CCDC180: variants seen among roughly 807,000 people sequenced by gnomAD.
The protein encoded by CCDC180 is coiled-coil domain-containing protein 180.
In CCDC180, 154 loss-of-function variants were observed where a neutral mutation model predicts 209.2. That is an observed-to-expected ratio of 0.74 (90% confidence interval 0.65 to 0.84). The LOEUF is 0.84. Ranked by LOEUF, CCDC180 falls within the 40% of genes least tolerant of loss-of-function variation. The probability of loss-of-function intolerance (pLI) is 0.00; values close to 1 mark genes in which losing one functional copy is unlikely to be tolerated. For synonymous variants in CCDC180, 778 were observed against 749.1 expected (o/e 1.04, Z -0.63); for missense variants, 1,874 against 1,997.3 (o/e 0.94, Z 1.18).
rs1203075620 is a variant in CCDC180 at position 97,343,543 on chromosome 9, A to G, written c.2478A>G (p.Leu826=). Residue 826 remains leucine (L), a synonymous_variant, in exon 19 of 37, where the codon CTA becomes CTG. Transcript: ENST00000529487. ...AACAAGTGACAATTCCATCGAGACT[A>G]ATTTTAGAAATTAAGAAACAGTGAG... is the stretch of plus-strand genomic sequence containing the variant. ...FIEQVTIPSR[L]ILEIKKQLRA... 1 of 1,612,800 alleles carries G rather than the reference A, an allele frequency of 6.2e-7. No homozygotes were observed. Among genetic ancestry groups the G allele is most frequent in the Non-Finnish European group, 8.5e-7 (1 of 1,178,880 alleles).
chr9:97,325,917 T>C (rs1833515732), intron 14 of CCDC180, among the ~76,000 whole-genome samples: 1 of 152,114 alleles, frequency 6.6e-6, no homozygotes, highest in South Asian at 2.1e-4. Context: ...AACTCACATA[T>C]GGGGGGCTGT....
rs192397423 is a variant in CCDC180 at position 97,337,390 on chromosome 9, C to T, written c.2275-5950C>T. On this transcript the variant is annotated intron_variant, in intron 18 of 36. Transcript: ENST00000529487. ...TAGCATGAAGGCTGTTGAATTTTGT[C>T]GAAGGCCTTTTCTGCATCTATTGAG... Among the ~76,000 whole-genome samples, 260 of 152,220 alleles carry T rather than the reference C, an allele frequency of 1.7e-3. 3 individuals are homozygous for T. In the East Asian group the frequency reaches 0.018, roughly 11 times the overall value.
At chr9:97,371,375 T>G in intron 33 of CCDC180, 1 of 399,304 alleles carries the variant, frequency 2.5e-6, no homozygotes, top group Non-Finnish European at 4.5e-6. Flanking sequence ...ATTGTCTGTG[T>G]GTGTCCCTTG....
At position 97,366,190 on chromosome 9, in the gene CCDC180, C is replaced by T. The variant is rs1273423328; in HGVS notation, c.4048-369C>T. ...ACGGGTCTGTCTGCCTCCTTCAGGG[C>T]AGGGTCCCTGGCTCGCCCGTCTTTG... On this transcript the variant is annotated intron_variant, in intron 30 of 36. Coordinates refer to ENST00000529487, the MANE Select transcript of CCDC180 (RefSeq NM_020893.6). This position sits in a 1 kb window ranked among gnomAD's most constrained non-coding sequence, Gnocchi z 4.3. Among the ~76,000 whole-genome samples, 1 of 152,264 alleles carries T rather than the reference C, an allele frequency of 6.6e-6. No individual in the cohort carries two copies. The highest frequency in any genetic ancestry group is 1.9e-4 in the East Asian group (1 of 5,196).
intron 18 of CCDC180, among the ~76,000 whole-genome samples, chr9:97,332,356 CT>C (rs1825779329): frequency 6.6e-6 from 1 of 152,210 alleles, no homozygotes; most frequent in African/African-American, 2.4e-5. Context: ...TATTCAGGCT[CT>C]TTTTTTATTG....
intron 16 of CCDC180, 76 bp from the exon 17 acceptor site, chr9:97,330,078 A>G (rs1336732309): frequency 8.3e-7 from 1 of 1,204,940 alleles, no homozygotes; most frequent in African/African-American, 1.5e-5. Flanking sequence ...AAAAAAAAAA[A>G]AAAAAAAAAA....
intron 18 of CCDC180, among the ~76,000 whole-genome samples, chr9:97,336,329 T>C (rs1825902954): frequency 6.6e-6 from 1 of 152,188 alleles, no homozygotes; most frequent in Non-Finnish European, 1.5e-5. Flanking sequence ...CATCTTGAAT[T>C]AATTTTTGTG....
chr9:97,309,119 A>G (rs1406549388), intron 2 of CCDC180, among the ~76,000 whole-genome samples: 2 of 152,140 alleles, frequency 1.3e-5, no homozygotes, highest in Non-Finnish European at 2.9e-5. Flanking sequence ...GCCAATCCCT[A>G]TTATTAGTCA....
rs759794148 is a variant in CCDC180 at position 97,307,985 on chromosome 9, A to G, written c.-79A>G. ...GACGGGCGATTTCCCAACCTCAGGA[A>G]TTGGAATTGAGACACCAAAGCCTAG... On this transcript the variant is annotated splice_region_variant and 5_prime_UTR_variant, in exon 2 of 37. Coordinates refer to ENST00000529487, the MANE Select transcript of CCDC180 (RefSeq NM_020893.6). 6.3e-7 allele frequency: 1 copy of G among 1,592,740 alleles called. No homozygotes were observed. Among genetic ancestry groups the G allele is most frequent in the Non-Finnish European group, 8.6e-7 (1 of 1,169,070 alleles).
intron 24 of CCDC180, among the ~76,000 whole-genome samples, chr9:97,355,942 G>C (rs1564170240): frequency 6.6e-6 from 1 of 152,168 alleles, no homozygotes; most frequent in Non-Finnish European, 1.5e-5. Flanking sequence ...TGGTTGGAGA[G>C]CACCAGCGGG....
Position 97,323,833 on chromosome 9 carries a change from T to A in CCDC180, c.1301T>A (p.Val434Glu). Residue 434 changes from valine to glutamate, a missense_variant, in exon 13 of 37, where the codon GTG becomes GAG. Val to Glu is a moderately radical substitution (Grantham distance 121). Transcript: ENST00000529487. Reference sequence around the variant, plus strand: ...ACTGAGGAGGAGGCAGAGACCCTGGTGAACCAGTTCTTCTTCCAGATGGTG... The same window carrying A: ...ACTGAGGAGGAGGCAGAGACCCTGGAGAACCAGTTCTTCTTCCAGATGGTG... Reference protein sequence around the residue: ...AFTEEEAETLVNQFFFQMVGA... With the variant: ...AFTEEEAETLENQFFFQMVGA... 2 of 1,556,632 alleles carry A rather than the reference T, an allele frequency of 1.3e-6. No homozygotes were observed. The highest frequency in any genetic ancestry group is 2.4e-5 in the East Asian group (1 of 41,426).
chr9:97,317,898 A>C (rs1050645935), intron 9 of CCDC180, among the ~76,000 whole-genome samples: 4 of 152,224 alleles, frequency 2.6e-5, no homozygotes, highest in African/African-American at 4.8e-5. Flanking sequence ...CAGATACTGC[A>C]TGGAAAGTGC....
rs11581 is a variant in CCDC180, at chr9:97,376,879, A to G, written c.4959A>G (p.Gln1653=). 386,489 of 1,610,386 alleles carry G rather than the reference A, an allele frequency of 0.24. 56,767 individuals are homozygous for G. The highest frequency in any genetic ancestry group is 0.56 in the East Asian group (25,153 of 44,796). ...DSWKQSLHTI[Q]GLYV Reference sequence around the variant, plus strand: ...GGAAGCAGTCCCTGCACACTATCCAAGGCCTGTATGTGTGACCCTCCGCCC... The same window carrying G: ...GGAAGCAGTCCCTGCACACTATCCAGGGCCTGTATGTGTGACCCTCCGCCC... Residue 1653 remains glutamine, a synonymous_variant, in exon 37 of 37, where the codon CAA becomes CAG. Coordinates refer to ENST00000529487, the MANE Select transcript of CCDC180 (RefSeq NM_020893.6).
At chr9:97,329,850 C>T (rs1016611038) in intron 16 of CCDC180, among the ~76,000 whole-genome samples, 1 of 152,092 alleles carries the variant, frequency 6.6e-6, no homozygotes, top group African/African-American at 2.4e-5. Flanking sequence ...GGGCGGATCA[C>T]GAGGTCAGGA....
intron 1 of CCDC180, 37 bp from the exon 2 acceptor site, chr9:97,307,946 G>A (rs747008755): frequency 1.3e-6 from 2 of 1,582,138 alleles, no homozygotes; most frequent in Non-Finnish European, 1.7e-6. Context: ...GCCTGGACCT[G>A]AACCTGAGTT....
At chr9:97,342,468 C>T in intron 18 of CCDC180, among the ~76,000 whole-genome samples, 1 of 152,050 alleles carries the variant, frequency 6.6e-6, no homozygotes, top group Non-Finnish European at 1.5e-5. Context: ...TTAGTAGAGA[C>T]AGGGTTTCAC....
chr9:97,334,225 A>G (rs1341685164), intron 18 of CCDC180, among the ~76,000 whole-genome samples: 2 of 152,164 alleles, frequency 1.3e-5, no homozygotes, highest in African/African-American at 2.4e-5. Flanking sequence ...CTCAGCTACT[A>G]ATGGAAAAGC....
chr9:97,310,420 G>A (rs779444780), intron 3 of CCDC180, among the ~76,000 whole-genome samples: 1 of 152,142 alleles, frequency 6.6e-6, no homozygotes, highest in Non-Finnish European at 1.5e-5. Context: ...AGCAGGCGGG[G>A]GTCAGGCATG....
chr9:97,353,628 C>T (rs1193724643), intron 22 of CCDC180, among the ~76,000 whole-genome samples: 2 of 152,148 alleles, frequency 1.3e-5, no homozygotes, highest in African/African-American at 4.8e-5. Context: ...TGCTGGGTAA[C>T]CAGGGAGCAC....
Sources: gnomAD v4.1 joint callset for allele counts (sites outside exome capture counted in the v4.1 genomes callset) on GRCh38, gnomAD v4.1.1 for gene constraint, Gnocchi (gnomAD v3.1) non-coding constraint, MANE v1.5 for transcripts, NCBI Gene and HGNC (gene_info 2026-07-23, HGNC 2026-07-21) for gene names.